Variants in ASPSCR1 observed in about 807,000 individuals in gnomAD.
ASPSCR1 encodes the protein ASPSCR1 tether for SLC2A4, UBX domain containing.
Under a neutral mutation model 68.9 loss-of-function variants are expected in ASPSCR1, and 55 were observed. That is an observed-to-expected ratio of 0.80 (90% CI 0.64 to 1.00). The LOEUF is 1.00. ASPSCR1 is among the 50% of genes least tolerant of loss of function. The pLI is 0.00. For synonymous variants in ASPSCR1, 352 were observed against 332.6 expected (o/e 1.06, Z -0.63); for missense variants, 765 against 762.2 (o/e 1.00, Z -0.04).
intron 9 of ASPSCR1, chr17:82,010,087 G>GTTGTT: frequency 3.8e-6 from 1 of 265,924 alleles, no homozygotes; most frequent in Non-Finnish European, 7.4e-6. Context: ...AATTTTTGTT[G>GTTGTT]TTTTTTTTTT....
chr17:82,003,377 G>A (rs984770275), intron 7 of ASPSCR1, among the ~76,000 whole-genome samples: 1 of 152,242 alleles, frequency 6.6e-6, no homozygotes, highest in Non-Finnish European at 1.5e-5. Flanking sequence ...GAGCCTGAGA[G>A]ATCAAGACTG....
At chr17:82,003,781 G>GC (rs1347209241) in intron 7 of ASPSCR1, among the ~76,000 whole-genome samples, 1 of 152,268 alleles carries the variant, frequency 6.6e-6, no homozygotes, top group African/African-American at 2.4e-5. Context: ...CCCTGGCACA[G>GC]CCTCTCCTGC....
At position 81,986,794 on chromosome 17, in the gene ASPSCR1, G is replaced by C. The variant is rs1186129099; in HGVS notation, c.374+1187G>C. ...GTTGGGCGCGCTTGGTGGCCCCAGG[G>C]CTGGGCCTGCTCCCGTCTGACAGTA... On this transcript the variant is annotated intron_variant, in intron 4 of 15. Coordinates refer to ENST00000306739, the MANE Select transcript of ASPSCR1 (RefSeq NM_024083.4). The surrounding 1 kb of genome is among the most constrained non-coding windows in gnomAD (Gnocchi z 5.2). Among the ~76,000 whole-genome samples, 1 of 140,156 alleles carries C rather than the reference G, an allele frequency of 7.1e-6. No individual in the cohort carries two copies. Among genetic ancestry groups the C allele is most frequent in the African/African-American group, 2.9e-5 (1 of 34,488 alleles). 91.9% of individuals were successfully genotyped at this position (140,156 alleles called of 152,430 possible). A position where few individuals can be genotyped will look rare whatever the true frequency, so the allele number is the denominator to read the frequency against.
chr17:82,017,073 G>A lies in ASPSCR1; in HGVS notation c.1608G>A (p.Lys536=), dbSNP rs1443227257. ...TCCCAGGGACGGCCCAGCCCGTGAA[G>A]AGGAGCCTGGGCAAGGTGCCCAAGT... is the stretch of plus-strand genomic sequence containing the variant. ...EPIPGTAQPV[K]RSLGKVPKWL... The change falls in exon 15 of 16, where the codon AAG becomes AAA. Residue 536 remains lysine (K), a synonymous_variant. Transcript: ENST00000306739. 2 of 1,608,070 alleles carry A rather than the reference G, an allele frequency of 1.2e-6. No homozygotes were observed.
chr17:81,993,037 G>A (rs778619894), intron 4 of ASPSCR1, among the ~76,000 whole-genome samples: 49 of 152,152 alleles, frequency 3.2e-4, no homozygotes, highest in Admixed American at 1.4e-3. Flanking sequence ...CCCTCCCCCA[G>A]GATTGAGGAC....
At chr17:81,984,307 G>A (rs1209275299) in intron 3 of ASPSCR1, among the ~76,000 whole-genome samples, 7 of 152,108 alleles carry the variant, frequency 4.6e-5, no homozygotes, top group African/African-American at 1.4e-4. Context: ...CATGGATGCC[G>A]CAAGGGCAGC....
chr17:82,009,544 G>T lies in ASPSCR1; in HGVS notation c.1147G>T (p.Glu383Ter). Residue 383 changes from glutamate (E) to a stop codon, truncating the protein, a stop_gained, in exon 9 of 16, where the codon GAG becomes TAG. Coordinates refer to ENST00000306739, the MANE Select transcript of ASPSCR1 (RefSeq NM_024083.4). LOFTEE classifies it high-confidence loss of function. ...TKAFREAQIK[E>*]KLERYPKVAL... is the part of the protein sequence containing the mutation. Reference sequence around the variant, plus strand: ...GGCCTTCAGGGAGGCGCAGATAAAGGAGAAGCTGGAGCGCTACCCAAAGGT... The same window carrying T: ...GGCCTTCAGGGAGGCGCAGATAAAGTAGAAGCTGGAGCGCTACCCAAAGGT... The T allele has an allele frequency of 7.1e-7, 1 of 1,408,206 alleles. No individual in the cohort carries two copies. The highest frequency in any genetic ancestry group is 9.3e-7 in the Non-Finnish European group (1 of 1,073,752). The allele number at this position is 1,408,206 out of a possible 1,614,324, so 87.2% of individuals were successfully genotyped here. A position where few individuals can be genotyped will look rare whatever the true frequency, so the allele number is the denominator to read the frequency against.
At chr17:81,995,844 C>A (rs563772688) in intron 5 of ASPSCR1, 148 bp from the exon 6 acceptor site, 1 of 759,786 alleles carries the variant, frequency 1.3e-6, no homozygotes, top group Non-Finnish European at 2.2e-6. Context: ...GGGTGTGGAC[C>A]GGCAGGGGCC....
At chr17:81,993,898 C>T (rs941921434) in intron 4 of ASPSCR1, among the ~76,000 whole-genome samples, 1 of 152,192 alleles carries the variant, frequency 6.6e-6, no homozygotes, top group African/African-American at 2.4e-5. Flanking sequence ...CTGGCCTCCC[C>T]TTTGCCTAGG....
In ASPSCR1 at chr17:82,009,009, C is replaced by T. The variant is rs768552187; in HGVS notation, c.934-28C>T. The T allele has an allele frequency of 2.2e-5, 33 of 1,477,458 alleles. No individual in the cohort carries two copies. In the Admixed American group the frequency reaches 2.3e-4, roughly 10 times the overall value. 91.5% of individuals were successfully genotyped at this position (1,477,458 alleles called of 1,614,324 possible). On this transcript the variant is annotated intron_variant, in intron 7 of 15. Coordinates refer to ENST00000306739, the MANE Select transcript of ASPSCR1 (RefSeq NM_024083.4). Reference sequence around the variant, plus strand: ...TGCGGAGGGCCCAGCCCGTGACACCCGCCGTCAGCCGCGCCCTCTGCCTCC... The same window carrying T: ...TGCGGAGGGCCCAGCCCGTGACACCTGCCGTCAGCCGCGCCCTCTGCCTCC...
chr17:82,011,571 C>G lies in ASPSCR1; in HGVS notation c.1266C>G (p.Ser422Arg). 1 of 1,580,616 alleles carries G rather than the reference C, an allele frequency of 6.3e-7. No individual in the cohort carries two copies. Among genetic ancestry groups the G allele is most frequent in the Non-Finnish European group, 8.5e-7 (1 of 1,169,888 alleles). Residue 422 changes from serine to arginine, a missense_variant, in exon 11 of 16, where the codon AGC (serine) becomes AGG (arginine). Ser to Arg is a moderately radical substitution (Grantham distance 110). Transcript: ENST00000306739. ...GGGACTTGCGAGACTTCGTGAGGAG[C>G]CACCTGGGGAACCCCGAGCTGTCAT... ...TVGDLRDFVR[S>R]HLGNPELSFY...
intron 3 of ASPSCR1, among the ~76,000 whole-genome samples, chr17:81,984,872 C>T: frequency 8.5e-6 from 1 of 117,580 alleles, no homozygotes; most frequent in Non-Finnish European, 1.8e-5. Flanking sequence ...CTGCACACCC[C>T]CGCACACACA....
At chr17:81,992,879 C>T (rs1031121077) in intron 4 of ASPSCR1, among the ~76,000 whole-genome samples, 28 of 152,318 alleles carry the variant, frequency 1.8e-4, no homozygotes, top group African/African-American at 6.0e-4. Context: ...GTGGTGCGCA[C>T]GTGCTCCACA....
intron 7 of ASPSCR1, among the ~76,000 whole-genome samples, chr17:82,000,468 C>T (rs115610076): frequency 0.044 from 6,741 of 152,156 alleles, 210 homozygotes; most frequent in African/African-American, 0.087. Context: ...CAGCCGCACA[C>T]GCAGAGGGCC....
Position 82,012,376 on chromosome 17 carries a change from G to C in ASPSCR1, c.1353+93G>C, listed in dbSNP as rs2042979969. 4 of 1,421,820 alleles carry C rather than the reference G, an allele frequency of 2.8e-6. No homozygotes were observed. In the Admixed American group the frequency reaches 6.9e-5, roughly 25 times the overall value. The allele number at this position is 1,421,820 out of a possible 1,614,324, so 88.1% of individuals were successfully genotyped here. On this transcript the variant is annotated intron_variant, in intron 12 of 15. Transcript: ENST00000306739. ...GGCCTCGGGCAGGAAGGAGGGGCCT[G>C]GCAGGCGCTGGGGCAGGATAATAAA...
At chr17:82,009,250 C>T in intron 8 of ASPSCR1, 59 bp downstream of exon 8, 2 of 1,518,258 alleles carry the variant, frequency 1.3e-6, no homozygotes, top group South Asian at 2.5e-5. Context: ...CCATCGGGTG[C>T]TTGTGCTGCC....
At chr17:82,010,151 AC>A in intron 9 of ASPSCR1, 1 of 261,474 alleles carries the variant, frequency 3.8e-6, no homozygotes, top group South Asian at 2.9e-5. Flanking sequence ...CGAACTCCTG[AC>A]CTCAGGTGAT....
At chr17:82,010,955 C>T (rs1202089769) in intron 10 of ASPSCR1, 87 bp downstream of exon 10, 2 of 1,498,700 alleles carry the variant, frequency 1.3e-6, no homozygotes, top group Non-Finnish European at 1.8e-6. Flanking sequence ...CACAGGACTG[C>T]AGCCACCTGG....
At position 81,990,654 on chromosome 17, in the gene ASPSCR1, C is replaced by T. The variant is rs1298775575; in HGVS notation, c.375-4167C>T. On this transcript the variant is annotated intron_variant, in intron 4 of 15. Transcript: ENST00000306739. The surrounding 1 kb of genome is among the most constrained non-coding windows in gnomAD (Gnocchi z 4.1). ...TGAGATCTTTATTACGGGGAGTGTG[C>T]CTTCCGTGATAGGAGACGCATGAGA... 1.3e-5 allele frequency among the ~76,000 whole-genome samples: 2 copies of T among 152,142 alleles called. No homozygotes were observed. Among genetic ancestry groups the T allele is most frequent in the Non-Finnish European group, 2.9e-5 (2 of 68,038 alleles).
Sources: allele counts gnomAD v4.1 joint callset (sites outside exome capture counted in the v4.1 genomes callset), GRCh38; gene constraint gnomAD v4.1.1; non-coding constraint Gnocchi (gnomAD v3.1); transcripts MANE v1.5; gene names NCBI Gene and HGNC (gene_info 2026-07-23, HGNC 2026-07-21).